SMYD3: variants seen among roughly 807,000 people sequenced by gnomAD.
SMYD3 encodes histone-lysine N-methyltransferase SMYD3.
In SMYD3, 36 loss-of-function variants were observed where a neutral mutation model predicts 57.7. The ratio of observed to expected loss-of-function variants is 0.62; its 90% CI spans 0.48 to 0.82. The LOEUF (loss-of-function observed/expected upper bound fraction) is 0.82. Ranked by LOEUF, SMYD3 falls within the 40% of genes least tolerant of loss-of-function variation. The probability of loss-of-function intolerance (pLI) is 0.00; values close to 1 mark genes in which losing one functional copy is unlikely to be tolerated. For missense variants in SMYD3, 515 were observed against 538.8 expected (o/e 0.96, Z 0.44); for synonymous variants, 211 against 195.0 (o/e 1.08, Z -0.68).
intron 5 of SMYD3, among the ~76,000 whole-genome samples, chr1:246,136,456 C>G (rs938646076): frequency 2.6e-5 from 4 of 152,150 alleles, no homozygotes; most frequent in South Asian, 4.2e-4. Context: ...TTGTTATGTA[C>G]TGGGCACTTA....
At chr1:246,207,065 G>A (rs2063011728) in intron 5 of SMYD3, among the ~76,000 whole-genome samples, 1 of 152,068 alleles carries the variant, frequency 6.6e-6, no homozygotes, top group African/African-American at 2.4e-5. Context: ...AACGTATAAG[G>A]CAGGTTTTAG....
At chr1:245,828,183 T>C (rs1362007498) in intron 10 of SMYD3, among the ~76,000 whole-genome samples, 1 of 152,186 alleles carries the variant, frequency 6.6e-6, no homozygotes, top group Non-Finnish European at 1.5e-5. Context: ...ACCTCAATAT[T>C]GCTTGCTCCT....
chr1:245,968,869 C>T (rs1039448230), intron 5 of SMYD3, among the ~76,000 whole-genome samples: 6 of 152,134 alleles, frequency 3.9e-5, no homozygotes, highest in African/African-American at 1.4e-4. Context: ...TCAGTGGAGG[C>T]TTAGTTCCCA....
chr1:246,074,453 T>A (rs533233061), intron 5 of SMYD3, among the ~76,000 whole-genome samples: 2 of 151,268 alleles, frequency 1.3e-5, no homozygotes, highest in East Asian at 3.9e-4. Flanking sequence ...CTCCCATATA[T>A]AACATACCAA....
At chr1:246,448,034 G>A (rs2067574233) in intron 1 of SMYD3, among the ~76,000 whole-genome samples, 1 of 152,030 alleles carries the variant, frequency 6.6e-6, no homozygotes, top group South Asian at 2.1e-4. Flanking sequence ...AAGACCTTTG[G>A]CATATGATTC....
intron 10 of SMYD3, among the ~76,000 whole-genome samples, chr1:245,802,368 C>T (rs1343957385): frequency 6.6e-6 from 1 of 152,154 alleles, no homozygotes; most frequent in African/African-American, 2.4e-5. Context: ...CGCTGACCTC[C>T]CCCTCTCCCC....
At chr1:245,925,433 CTG>C (rs1196390580) in intron 7 of SMYD3, among the ~76,000 whole-genome samples, 1 of 152,124 alleles carries the variant, frequency 6.6e-6, no homozygotes, top group African/African-American at 2.4e-5. Context: ...ATGCCTCAAA[CTG>C]TCTTTTCTCA....
intron 1 of SMYD3, among the ~76,000 whole-genome samples, chr1:246,445,795 T>TA (rs2067543912): frequency 1.3e-5 from 2 of 149,608 alleles, no homozygotes; most frequent in Admixed American, 1.3e-4. Flanking sequence ...TTAATTCTTA[T>TA]AAACACTCTC....
Position 245,885,817 on chromosome 1 carries a change from C to T in SMYD3, c.814-21931G>A, listed in dbSNP as rs113878895. On this transcript the variant is annotated intron_variant, in intron 8 of 11. Coordinates refer to ENST00000490107, the MANE Select transcript of SMYD3 (RefSeq NM_001167740.2). ...TCCACAATTTTTACAATGATTTTAA[C>T]TGACCTTATTCATAACATGAAGTAG... is the stretch of plus-strand genomic sequence containing the variant. 4.6e-5 allele frequency among the ~76,000 whole-genome samples: 7 copies of T among 152,236 alleles called. 1 individual carries two copies. The highest frequency in any genetic ancestry group is 1.7e-4 in the African/African-American group (7 of 41,514).
intron 5 of SMYD3, among the ~76,000 whole-genome samples, chr1:246,059,340 G>GA (rs66576741): frequency 1.1e-3 from 148 of 129,270 alleles, no homozygotes; most frequent in African/African-American, 3.8e-3. Flanking sequence ...TTTACCTAGA[G>GA]AAAAAAAAAA....
intron 1 of SMYD3, among the ~76,000 whole-genome samples, chr1:246,449,164 C>A (rs748287429): frequency 6.6e-6 from 1 of 151,914 alleles, no homozygotes; most frequent in Non-Finnish European, 1.5e-5. Context: ...CCTGGGAGGT[C>A]GAGACTGCAA....
intron 1 of SMYD3, among the ~76,000 whole-genome samples, chr1:246,491,608 A>G (rs2068273567): frequency 6.6e-6 from 1 of 152,188 alleles, no homozygotes; most frequent in South Asian, 2.1e-4. Context: ...AAGGAAGACT[A>G]CTAATATGGC....
At chr1:246,038,056 A>G (rs1391455685) in intron 5 of SMYD3, among the ~76,000 whole-genome samples, 3 of 152,236 alleles carry the variant, frequency 2.0e-5, no homozygotes, top group Non-Finnish European at 2.9e-5. Flanking sequence ...ATTGATAAAA[A>G]CAGGCAGCAG....
chr1:246,043,994 C>T (rs914007375), intron 5 of SMYD3, among the ~76,000 whole-genome samples: 13 of 152,196 alleles, frequency 8.5e-5, no homozygotes, highest in South Asian at 2.1e-4. Context: ...CTGCAGTGTC[C>T]GCACGTGGTT....
At chr1:245,755,687 TAATATTG>T (rs1266775792) in intron 11 of SMYD3, among the ~76,000 whole-genome samples, 1 of 152,206 alleles carries the variant, frequency 6.6e-6, no homozygotes, top group Non-Finnish European at 1.5e-5. Flanking sequence ...CTACTTTACT[TAATATTG>T]ATATAGCTAC....
intron 5 of SMYD3, among the ~76,000 whole-genome samples, chr1:246,119,749 C>A (rs1558245561): frequency 6.6e-6 from 1 of 152,144 alleles, no homozygotes; most frequent in East Asian, 1.9e-4. Context: ...CTATCACCTA[C>A]CAGAAGTTCT....
intron 5 of SMYD3, among the ~76,000 whole-genome samples, chr1:245,961,977 G>A (rs1370437635): frequency 6.6e-6 from 1 of 152,138 alleles, no homozygotes; most frequent in African/African-American, 2.4e-5. Flanking sequence ...AACCCTGTGA[G>A]GCACGTATAG....
chr1:246,153,987 A>G (rs563307565), intron 5 of SMYD3, among the ~76,000 whole-genome samples: 1 of 152,302 alleles, frequency 6.6e-6, no homozygotes, highest in South Asian at 2.1e-4. Flanking sequence ...GACCTCTTAA[A>G]TGCAAAGTGC....
chr1:246,063,694 C>T lies in SMYD3; in HGVS notation c.532-133757G>A, dbSNP rs534800275. ...TTCCTCTGCTGCCCAGACTAGAGTG[C>T]AGTGGTATGGTATCAGCTCACTGCA... On this transcript the variant is annotated intron_variant, in intron 5 of 11. Coordinates refer to ENST00000490107, the MANE Select transcript of SMYD3 (RefSeq NM_001167740.2). Among the ~76,000 whole-genome samples the T allele has an allele frequency of 1.8e-4, 27 of 151,506 alleles. 1 individual carries two copies. In the South Asian group the frequency reaches 5.7e-3, roughly 32 times the overall value.
Sources: allele counts gnomAD v4.1 joint callset (sites outside exome capture counted in the v4.1 genomes callset), GRCh38; gene constraint gnomAD v4.1.1; transcripts MANE v1.5; gene names NCBI Gene and HGNC (gene_info 2026-07-23, HGNC 2026-07-21).